PDE10A: variants seen among roughly 807,000 people sequenced by gnomAD.
The protein encoded by PDE10A is cAMP and cAMP-inhibited cGMP 3',5'-cyclic phosphodiesterase 10A.
Under a neutral mutation model 97.7 loss-of-function variants are expected in PDE10A, and 39 were observed. That is an observed-to-expected ratio of 0.40 (90% CI 0.31 to 0.52). PDE10A has a LOEUF of 0.52. Ranked by LOEUF, PDE10A falls within the 20% of genes least tolerant of loss-of-function variation. The pLI is 0.56. For synonymous variants in PDE10A, 371 were observed against 376.8 expected (o/e 0.98, Z 0.18); for missense variants, 731 against 1,047.8 (o/e 0.70, Z 4.17).
chr6:165,815,261 C>T (rs1162847245), intron 1 of PDE10A, among the ~76,000 whole-genome samples: 2 of 152,276 alleles, frequency 1.3e-5, no homozygotes, highest in African/African-American at 2.4e-5. Context: ...CCCTACTGTC[C>T]CACTACAATG....
At chr6:165,443,135 T>C (rs1417002251) in intron 5 of PDE10A, among the ~76,000 whole-genome samples, 1 of 106,934 alleles carries the variant, frequency 9.4e-6, no homozygotes, top group Non-Finnish European at 2.0e-5. Context: ...AAAAAAAAAA[T>C]GTCCAAGTCT....
chr6:165,574,259 A>G (rs116540986), intron 1 of PDE10A, among the ~76,000 whole-genome samples: 1,405 of 128,836 alleles, frequency 0.011, 24 homozygotes, highest in African/African-American at 0.039. Context: ...TACATTCTTT[A>G]AAAAAAAAAA....
At chr6:165,973,638 T>G (rs932052918) in intron 1 of PDE10A, among the ~76,000 whole-genome samples, 1 of 151,682 alleles carries the variant, frequency 6.6e-6, no homozygotes, top group Non-Finnish European at 1.5e-5. Flanking sequence ...CTGTGATCGC[T>G]GAAGAGGCCC....
chr6:165,449,508 A>C (rs1791129993), intron 4 of PDE10A, among the ~76,000 whole-genome samples: 1 of 152,096 alleles, frequency 6.6e-6, no homozygotes, highest in Non-Finnish European at 1.5e-5. Context: ...TTAAACCCCT[A>C]CTTAACTCCT....
At chr6:165,639,253 T>C (rs1265740707) in intron 1 of PDE10A, among the ~76,000 whole-genome samples, 1 of 152,166 alleles carries the variant, frequency 6.6e-6, no homozygotes, top group Non-Finnish European at 1.5e-5. Flanking sequence ...CTAGTCAATA[T>C]TCAAACTCCA....
chr6:165,825,158 A>G (rs1219692687), intron 1 of PDE10A, among the ~76,000 whole-genome samples: 15 of 64,676 alleles, frequency 2.3e-4, no homozygotes, highest in Admixed American at 4.2e-4. Flanking sequence ...AAAAAAAAAA[A>G]AAAAGAAAAA....
At chr6:165,987,978 T>C (rs1426197560), upstream of PDE10A, 3 of 163,230 alleles carry the variant, frequency 1.8e-5, no homozygotes, top group Non-Finnish European at 3.8e-5. Context: ...TGTGCGTGCG[T>C]GTGTGTGTGT....
At chr6:165,480,892 A>G (rs1280173209) in intron 3 of PDE10A, among the ~76,000 whole-genome samples, 1 of 152,214 alleles carries the variant, frequency 6.6e-6, no homozygotes. Context: ...CGTTATAGAG[A>G]TCTTGGCAAC....
At chr6:165,672,538 T>G (rs969669350) in intron 1 of PDE10A, among the ~76,000 whole-genome samples, 1 of 152,230 alleles carries the variant, frequency 6.6e-6, no homozygotes, top group African/African-American at 2.4e-5. Context: ...TCTGGAATTA[T>G]AGCTCCCATA....
chr6:165,977,316 C>A (rs1283460365), intron 1 of PDE10A, among the ~76,000 whole-genome samples: 1 of 152,204 alleles, frequency 6.6e-6, no homozygotes, highest in Non-Finnish European at 1.5e-5. Context: ...ATTTCTCAAT[C>A]TGGTAAGCTT....
intron 1 of PDE10A, among the ~76,000 whole-genome samples, chr6:165,845,707 A>G (rs1780398393): frequency 6.6e-6 from 1 of 152,248 alleles, no homozygotes; most frequent in African/African-American, 2.4e-5. Context: ...TATTAAAGCT[A>G]TCTGGAATCA....
At position 165,927,977 on chromosome 6, in the gene PDE10A, G is replaced by A. The variant is rs549919572; in HGVS notation, c.-615+59552C>T. On this transcript the variant is annotated intron_variant, in intron 1 of 19. Transcript: ENST00000366882. Reference sequence around the variant, plus strand: ...CTCCCAAAGTGATGGGATTACAGGCGTGAGCCACCACGCCAGGCTGAGAAT... The same window carrying A: ...CTCCCAAAGTGATGGGATTACAGGCATGAGCCACCACGCCAGGCTGAGAAT... Among the ~76,000 whole-genome samples, 7 of 150,788 alleles carry A rather than the reference G, an allele frequency of 4.6e-5. No individual in the cohort carries two copies. The South Asian group carries it at 1.0e-3, about 22-fold the overall frequency.
chr6:165,672,742 C>T (rs2128436868), intron 1 of PDE10A, among the ~76,000 whole-genome samples: 1 of 152,316 alleles, frequency 6.6e-6, no homozygotes, highest in African/African-American at 2.4e-5. Context: ...CACATGGAAC[C>T]ATGAGTCCAT....
At chr6:165,812,132 G>A (rs1334968001) in intron 1 of PDE10A, among the ~76,000 whole-genome samples, 3 of 152,032 alleles carry the variant, frequency 2.0e-5, no homozygotes, top group East Asian at 1.9e-4. Flanking sequence ...GACTACAGGC[G>A]TGAGCCACCC....
At chr6:165,643,210 G>A (rs1322795541) in intron 1 of PDE10A, among the ~76,000 whole-genome samples, 3 of 151,614 alleles carry the variant, frequency 2.0e-5, no homozygotes, top group Non-Finnish European at 4.4e-5. Context: ...TAGGTGGGTG[G>A]ATGGATAGAT....
At chr6:165,731,056 C>T (rs752210714) in intron 1 of PDE10A, among the ~76,000 whole-genome samples, 35 of 152,132 alleles carry the variant, frequency 2.3e-4, no homozygotes, top group Non-Finnish European at 1.8e-4. Flanking sequence ...AAACAAAAAG[C>T]AACAATTAAA....
intron 1 of PDE10A, among the ~76,000 whole-genome samples, chr6:165,782,440 T>C (rs1426114907): frequency 6.6e-6 from 1 of 152,172 alleles, no homozygotes; most frequent in Non-Finnish European, 1.5e-5. Flanking sequence ...GGAAACCTGA[T>C]TACCTGTATC....
chr6:165,840,032 TCCCATCTCCATCTCCATGTCCATCTCC>T (rs1780212883), intron 1 of PDE10A, among the ~76,000 whole-genome samples: 2 of 2,742 alleles, frequency 7.3e-4, no homozygotes, highest in African/African-American at 1.4e-3. Flanking sequence ...CCATTCCCAT[TCCCATCTCCATCTCCATGTCCATCTCC>T]ATCTTCATCT....
intron 3 of PDE10A, among the ~76,000 whole-genome samples, chr6:165,465,404 G>A (rs1300337938): frequency 2.0e-5 from 3 of 152,160 alleles, no homozygotes; most frequent in Non-Finnish European, 4.4e-5. Flanking sequence ...GCACTATGGG[G>A]AAAAGAGAAA....
Sources: allele counts gnomAD v4.1 joint callset (sites outside exome capture counted in the v4.1 genomes callset), GRCh38; gene constraint gnomAD v4.1.1; transcripts MANE v1.5; gene names NCBI Gene and HGNC (gene_info 2026-07-23, HGNC 2026-07-21).